The following DYNC1LI2 variants were observed in gnomAD, a reference collection of about 807,000 sequenced individuals.
DYNC1LI2 encodes dynein cytoplasmic 1 light intermediate chain 2.
DYNC1LI2 carries 19 observed loss-of-function variants against 57.8 expected under a neutral mutation model. The observed-to-expected ratio is 0.33, with a 90% CI of 0.23 to 0.48. The LOEUF (loss-of-function observed/expected upper bound fraction) is 0.48. DYNC1LI2 is among the 20% of genes least tolerant of loss of function. The pLI, the probability that DYNC1LI2 is intolerant of heterozygous loss-of-function variation, is 0.99. For synonymous variants in DYNC1LI2, 256 were observed against 233.4 expected (o/e 1.10, Z -0.88); for missense variants, 470 against 604.2 (o/e 0.78, Z 2.33).
chr16:66,730,443 G>T, intron 7 of DYNC1LI2: 1 of 423,134 alleles, frequency 2.4e-6, no homozygotes, highest in Non-Finnish European at 4.2e-6. Flanking sequence ...ATGGGCCCAA[G>T]GTCTAAGGAG....
In DYNC1LI2 at chr16:66,734,434, C is replaced by T. The variant is rs934843704; in HGVS notation, c.700-123G>A. The T allele has an allele frequency of 9.1e-6, 8 of 881,034 alleles. No homozygotes were observed. The African/African-American group carries it at 1.4e-4, about 15-fold the overall frequency. The allele number at this position is 881,034 out of a possible 1,614,324, so 54.6% of individuals were successfully genotyped here. The stretch of plus-strand genomic sequence containing the variant: ...AGAAAGCCACAGCTCAGGGTCCAAG[C>T]ATTAATTAGAGAAGAGTAAAAAAGA... On this transcript the variant is annotated intron_variant, in intron 5 of 12. Transcript: ENST00000258198.
Position 66,742,520 on chromosome 16 carries a change from CAG to C in DYNC1LI2, c.445_446del (p.Leu149AlafsTer5). The C allele has an allele frequency of 1.9e-6, 3 of 1,614,220 alleles. No homozygotes were observed. Among genetic ancestry groups the C allele is most frequent in the Non-Finnish European group, 2.5e-6 (3 of 1,180,050 alleles). On this transcript the variant is annotated frameshift_variant, in exon 4 of 13. Coordinates refer to ENST00000258198, the MANE Select transcript of DYNC1LI2 (RefSeq NM_006141.3). LOFTEE classifies it high-confidence loss of function. ...MSRPWTVMES[L>X]QKWASVLREH... ...CACGTAAAACACTAGCCCATTTCTG[CAG>C]AGATTCCATCACAGTCCAAGGTCTA...
chr16:66,750,730 C>G (rs1036655846), intron 2 of DYNC1LI2, among the ~76,000 whole-genome samples: 16 of 152,264 alleles, frequency 1.1e-4, no homozygotes, highest in Middle Eastern at 6.8e-3. Flanking sequence ...ACCCAAACTC[C>G]CTCACTTGAG....
chr16:66,740,754 G>A (rs1057423046), intron 4 of DYNC1LI2, among the ~76,000 whole-genome samples: 2 of 152,260 alleles, frequency 1.3e-5, no homozygotes, highest in African/African-American at 2.4e-5. Context: ...TCAGTCAGGA[G>A]GAAGAGAACC....
chr16:66,740,975 C>G (rs1271510318), intron 4 of DYNC1LI2, among the ~76,000 whole-genome samples: 2 of 152,188 alleles, frequency 1.3e-5, no homozygotes, highest in Admixed American at 6.5e-5. Context: ...CCATCAATGA[C>G]TAAATCACAA....
intron 7 of DYNC1LI2, 125 bp downstream of exon 7, chr16:66,732,214 G>A: frequency 8.4e-7 from 1 of 1,190,488 alleles, no homozygotes. Context: ...ACAGAGAGAA[G>A]GTGCAGTGAG....
intron 10 of DYNC1LI2, 194 bp downstream of exon 10, chr16:66,728,007 T>G: frequency 1.1e-6 from 1 of 894,998 alleles, no homozygotes; most frequent in Non-Finnish European, 1.7e-6. Context: ...TCACTCTAAT[T>G]CCCAGAGTTG....
Position 66,734,219 on chromosome 16 carries a change from C to T in DYNC1LI2, c.792G>A (p.Gln264=), listed in dbSNP as rs752589224. 6.2e-7 allele frequency: 1 copy of T among 1,614,088 alleles called. No homozygotes were observed. The highest frequency in any genetic ancestry group is 8.5e-7 in the Non-Finnish European group (1 of 1,180,012). ...IQSHLRRFCL[Q]YGAALIYTSV... is the part of the protein sequence containing the mutation. ...CCCCACACAGCGCCCAAAGGATACA[C>T]TGAAGGCAGAACCTCCGCAGGTGTG... Residue 264 remains glutamine (Q), a splice_region_variant and synonymous_variant, in exon 6 of 13, where the codon CAG becomes CAA. Transcript: ENST00000258198.
intron 5 of DYNC1LI2, among the ~76,000 whole-genome samples, chr16:66,734,997 CAAAAAAAAAA>C (rs377398071): frequency 5.2e-5 from 2 of 38,570 alleles, no homozygotes; most frequent in East Asian, 9.6e-4. Context: ...AACTCCGTCT[CAAAAAAAAAA>C]AAAAAAAAAA....
chr16:66,745,037 T>C (rs2017910329), intron 3 of DYNC1LI2, among the ~76,000 whole-genome samples: 1 of 152,006 alleles, frequency 6.6e-6, no homozygotes, highest in Non-Finnish European at 1.5e-5. Flanking sequence ...AGCTTCTGAG[T>C]AGCTGGGATT....
chr16:66,751,412 C>A lies in DYNC1LI2; in HGVS notation c.108-66G>T. 6.3e-7 allele frequency: 1 copy of A among 1,594,066 alleles called. No homozygotes were observed. On this transcript the variant is annotated intron_variant, in intron 1 of 12. Coordinates refer to ENST00000258198, the MANE Select transcript of DYNC1LI2 (RefSeq NM_006141.3). The surrounding 1 kb of genome is among the most constrained non-coding windows in gnomAD (Gnocchi z 5.2). ...CTGGGATGGCCCGGCTCGCGTCGGC[C>A]CCTCAGTGTGTCCGACGGTCCGGCC...
At chr16:66,750,314 C>T (rs2018020401) in intron 2 of DYNC1LI2, among the ~76,000 whole-genome samples, 1 of 152,168 alleles carries the variant, frequency 6.6e-6, no homozygotes, top group African/African-American at 2.4e-5. Flanking sequence ...GGCAGTGATT[C>T]CCATGGGAAT....
rs766882420 is a variant in DYNC1LI2 at position 66,720,935 on chromosome 16, G to C, written c.*2787C>G. On this transcript the variant is annotated 3_prime_UTR_variant, in exon 13 of 13. Coordinates refer to ENST00000258198, the MANE Select transcript of DYNC1LI2 (RefSeq NM_006141.3). Reference sequence around the variant, plus strand: ...TCGTGTTTATTGAAGCCAGTAATTAGAGACATCTTTTTTTCCCAGGACTAG... The same window carrying C: ...TCGTGTTTATTGAAGCCAGTAATTACAGACATCTTTTTTTCCCAGGACTAG... The C allele has an allele frequency of 1.3e-5, 2 of 152,604 alleles. No individual in the cohort carries two copies. Among genetic ancestry groups the C allele is most frequent in the Non-Finnish European group, 2.9e-5 (2 of 68,054 alleles). The allele number at this position is 152,604 out of a possible 1,614,324, so 9.5% of individuals were successfully genotyped here. A position where few individuals can be genotyped will look rare whatever the true frequency, so the allele number is the denominator to read the frequency against.
At chr16:66,729,782 TTTC>T (rs1235229818) in intron 8 of DYNC1LI2, among the ~76,000 whole-genome samples, 4 of 151,274 alleles carry the variant, frequency 2.6e-5, no homozygotes, top group African/African-American at 9.7e-5. Context: ...CTAAACCCTT[TTTC>T]TTCTTTTCTT....
At chr16:66,743,793 G>A (rs1033833451) in intron 3 of DYNC1LI2, among the ~76,000 whole-genome samples, 2 of 152,142 alleles carry the variant, frequency 1.3e-5, no homozygotes, top group African/African-American at 4.8e-5. Flanking sequence ...CAAAGAGACA[G>A]AACCTTTGTA....
intron 8 of DYNC1LI2, 59 bp from the exon 9 acceptor site, chr16:66,729,158 A>G: frequency 2.5e-6 from 4 of 1,592,122 alleles, no homozygotes; most frequent in Non-Finnish European, 3.4e-6. Context: ...ACCACTGTCA[A>G]ACTTCATGCC....
intron 12 of DYNC1LI2, among the ~76,000 whole-genome samples, chr16:66,724,300 T>C (rs12600097): frequency 0.51 from 76,768 of 151,982 alleles, 20,263 homozygotes; most frequent in African/African-American, 0.64. Context: ...AGTTCAGTCC[T>C]GCACAAAATC....
At chr16:66,733,477 G>A (rs1596989848) in intron 6 of DYNC1LI2, 1 of 152,356 alleles carries the variant, frequency 6.6e-6, no homozygotes, top group South Asian at 2.1e-4. Flanking sequence ...GCCGAGGTGG[G>A]TGGATCACAT....
At chr16:66,736,863 C>T (rs1239728310) in intron 4 of DYNC1LI2, among the ~76,000 whole-genome samples, 1 of 152,224 alleles carries the variant, frequency 6.6e-6, no homozygotes, top group Non-Finnish European at 1.5e-5. Flanking sequence ...AAGAAAGCCA[C>T]TTTTCTTATG....
Sources: gnomAD v4.1 joint callset for allele counts (sites outside exome capture counted in the v4.1 genomes callset) on GRCh38, gnomAD v4.1.1 for gene constraint, Gnocchi (gnomAD v3.1) non-coding constraint, MANE v1.5 for transcripts, NCBI Gene and HGNC (gene_info 2026-07-23, HGNC 2026-07-21) for gene names.